Variants in GGTA1 observed in about 807,000 individuals in gnomAD.
The protein encoded by GGTA1 is inactive N-acetyllactosaminide alpha-1,3-galactosyltransferase.
GGTA1 carries 5 observed loss-of-function variants against 2.6 expected under a neutral mutation model. That is an observed-to-expected ratio of 1.92 (90% CI 1.00 to 4.04). The LOEUF (loss-of-function observed/expected upper bound fraction) is 4.04. GGTA1 is among the 30% of genes most tolerant of loss of function. The probability of loss-of-function intolerance (pLI) is 0.00; values close to 1 mark genes in which losing one functional copy is unlikely to be tolerated. For missense variants in GGTA1, 50 were observed against 16.7 expected (o/e 2.99, Z -3.47); for synonymous variants, 17 against 5.0 (o/e 3.38, Z -3.19).
At chr9:121,477,768 C>T (rs1828545580) in intron 1 of GGTA1, among the ~76,000 whole-genome samples, 2 of 151,618 alleles carry the variant, frequency 1.3e-5, no homozygotes, top group African/African-American at 2.4e-5. Context: ...TTAGTAGAGA[C>T]GGGGTTTCAC....
At chr9:121,486,392 G>T (rs577312546) in intron 1 of GGTA1, among the ~76,000 whole-genome samples, 1 of 152,336 alleles carries the variant, frequency 6.6e-6, no homozygotes, top group African/African-American at 2.4e-5. Context: ...GTCTCAGGAG[G>T]TCCCCTGGTG....
At position 121,498,893 on chromosome 9, in the gene GGTA1, T is replaced by G. The variant is rs560035503; in HGVS notation, c.-10+757A>C. ...GACATTTTTTTCTTCTTCTTTTTAC[T>G]GTTTTTTTTTTTTTTACTTTCTTCA... On this transcript the variant is annotated intron_variant, in intron 1 of 5. Transcript: ENST00000481799. Among the ~76,000 whole-genome samples the G allele has an allele frequency of 2.3e-5, 3 of 131,946 alleles. No individual in the cohort carries two copies. The South Asian group carries it at 6.7e-4, about 29-fold the overall frequency. 86.6% of individuals were successfully genotyped at this position (131,946 alleles called of 152,430 possible). A position where few individuals can be genotyped will look rare whatever the true frequency, so the allele number is the denominator to read the frequency against.
rs1828521778 is a variant in GGTA1, at chr9:121,476,897, G to T, written c.-9-8966C>A. ...TAGCCTCAGTGCCTGTCCAGGGGCT[G>T]CAGGCTGAGCTGGGGTGCTGACCCA... On this transcript the variant is annotated intron_variant, in intron 1 of 5. Transcript: ENST00000481799. The surrounding 1 kb of genome is among the most constrained non-coding windows in gnomAD (Gnocchi z 4.6). Among the ~76,000 whole-genome samples, 1 of 152,196 alleles carries T rather than the reference G, an allele frequency of 6.6e-6. No homozygotes were observed. Among genetic ancestry groups the T allele is most frequent in the Non-Finnish European group, 1.5e-5 (1 of 68,028 alleles).
At chr9:121,469,293 C>G (rs1828330943) in intron 1 of GGTA1, among the ~76,000 whole-genome samples, 1 of 152,138 alleles carries the variant, frequency 6.6e-6, no homozygotes, top group Admixed American at 6.5e-5. Context: ...TTGGGAGCAG[C>G]ATATGTAACA....
chr9:121,481,249 A>G (rs1476530486), intron 1 of GGTA1, among the ~76,000 whole-genome samples: 2 of 152,088 alleles, frequency 1.3e-5, no homozygotes, highest in Non-Finnish European at 2.9e-5. Flanking sequence ...ACCTAGTCCC[A>G]CAATGGGATT....
Position 121,480,216 on chromosome 9 carries a change from C to T in GGTA1, c.-9-12285G>A, listed in dbSNP as rs373503000. On this transcript the variant is annotated intron_variant, in intron 1 of 5. Transcript: ENST00000481799. ...GACTACAGGCACATGCCACCACGCCCAGCTGATTTTTTTGTATTTTTAGTA... is the reference window on the plus strand; with the variant it reads ...GACTACAGGCACATGCCACCACGCCTAGCTGATTTTTTTGTATTTTTAGTA... Among the ~76,000 whole-genome samples, 8 of 152,044 alleles carry T rather than the reference C, an allele frequency of 5.3e-5. No individual in the cohort carries two copies. The East Asian group carries it at 1.6e-3, about 30-fold the overall frequency.
At chr9:121,472,821 C>A (rs866479619) in intron 1 of GGTA1, among the ~76,000 whole-genome samples, 1 of 152,130 alleles carries the variant, frequency 6.6e-6, no homozygotes, top group African/African-American at 2.4e-5. Context: ...TGAAAACTCT[C>A]ACGGTTGGAA....
At chr9:121,482,698 G>A (rs1238366364) in intron 1 of GGTA1, among the ~76,000 whole-genome samples, 1 of 152,182 alleles carries the variant, frequency 6.6e-6, no homozygotes. Flanking sequence ...GAACCTGGGA[G>A]GTGGAGTTTG....
In GGTA1 at chr9:121,494,185, C is replaced by T. The variant is rs902210298; in HGVS notation, c.-10+5465G>A. Among the ~76,000 whole-genome samples, 7 of 152,210 alleles carry T rather than the reference C, an allele frequency of 4.6e-5. No homozygotes were observed. In the East Asian group the frequency reaches 1.3e-3, roughly 29 times the overall value. On this transcript the variant is annotated intron_variant, in intron 1 of 5. Coordinates refer to ENST00000481799, the MANE Select transcript of GGTA1 (RefSeq NM_001382585.1). ...GGTTTCAGAGAGGAACCCCAGGAAG[C>T]ACGTGCACACCCCCAAAGTCTCTTG...
exon 8 of GGTA1, chr9:121,446,778 A>G (rs145214753): frequency 6.6e-6 from 1 of 152,314 alleles, no homozygotes; most frequent in African/African-American, 2.4e-5. Context: ...ACAAGGAGGA[A>G]TGGTATGTTT....
intron 7 of GGTA1, chr9:121,447,722 C>T (rs1040113140): frequency 1.3e-5 from 2 of 152,082 alleles, no homozygotes; most frequent in East Asian, 3.9e-4. Flanking sequence ...AAAGAAACCA[C>T]GTGATGTAAA....
intron 1 of GGTA1, among the ~76,000 whole-genome samples, chr9:121,471,024 G>C (rs1828376991): frequency 6.6e-6 from 1 of 152,240 alleles, no homozygotes; most frequent in South Asian, 2.1e-4. Flanking sequence ...CCTTGTGAGA[G>C]AATGTAGAGA....
intron 5 of GGTA1, among the ~76,000 whole-genome samples, chr9:121,457,479 T>C (rs2064921499): frequency 6.6e-6 from 1 of 152,068 alleles, no homozygotes; most frequent in African/African-American, 2.4e-5. Context: ...GGCAGGTGGA[T>C]CACCAGGTCA....
chr9:121,470,208 T>C (rs536984293), intron 1 of GGTA1, among the ~76,000 whole-genome samples: 1 of 152,196 alleles, frequency 6.6e-6, no homozygotes, highest in East Asian at 1.9e-4. Flanking sequence ...AAAAAGTAGG[T>C]AGAGAGATGG....
Position 121,448,493 on chromosome 9 carries a change from G to A in GGTA1, c.*119-896C>T, listed in dbSNP as rs76337844. 8.4e-3 allele frequency among the ~76,000 whole-genome samples: 1,282 copies of A among 152,116 alleles called. 19 individuals carry two copies. The highest frequency in any genetic ancestry group is 0.029 in the African/African-American group (1,215 of 41,494). On this transcript the variant is annotated intron_variant and NMD_transcript_variant, in intron 7 of 7. Transcript: ENST00000481534. ...CATCATCCAAAATACTAGTCCATCC[G>A]AATACTAGAATGAGCAACTTCTGAT...
chr9:121,469,848 A>C (rs1467531285), intron 1 of GGTA1, among the ~76,000 whole-genome samples: 1 of 152,172 alleles, frequency 6.6e-6, no homozygotes, highest in Non-Finnish European at 1.5e-5. Flanking sequence ...TAAGCATCCC[A>C]TCAGGGCCAG....
At chr9:121,496,154 T>C (rs555911477) in intron 1 of GGTA1, among the ~76,000 whole-genome samples, 3 of 152,222 alleles carry the variant, frequency 2.0e-5, no homozygotes, top group Non-Finnish European at 4.4e-5. Context: ...ACTTATTGCA[T>C]CTATATAATG....
chr9:121,461,279 C>A lies in GGTA1; in HGVS notation c.155G>T (p.Trp52Leu). Residue 52 changes from tryptophan (W) to leucine (L), a missense_variant, in exon 4 of 6, where the codon TGG becomes TTG. Physicochemically the swap from Trp to Leu is moderately conservative, Grantham distance 61 (BLOSUM62 -2). Coordinates refer to ENST00000481799, the MANE Select transcript of GGTA1 (RefSeq NM_001382585.1). ...ATTGTTAAACCAGCTCAGAAACCAC[C>A]AGCCCTTCTGAGCACTGCTGTCATC... ...EVDDSSAQKG[W>L]WFLSWFNNGI... is the part of the protein sequence containing the mutation. 4.4e-6 allele frequency: 2 copies of A among 456,606 alleles called. No homozygotes were observed. Among genetic ancestry groups the A allele is most frequent in the South Asian group, 3.1e-5 (2 of 64,540 alleles). 28.3% of individuals were successfully genotyped at this position (456,606 alleles called of 1,614,324 possible). A position where few individuals can be genotyped will look rare whatever the true frequency, so the allele number is the denominator to read the frequency against.
At chr9:121,460,503 G>A (rs2064951511) in intron 4 of GGTA1, among the ~76,000 whole-genome samples, 1 of 152,154 alleles carries the variant, frequency 6.6e-6, no homozygotes, top group South Asian at 2.1e-4. Context: ...AACTTGATAA[G>A]ACAATTCTTC....
Sources: gnomAD v4.1 joint callset for allele counts (sites outside exome capture counted in the v4.1 genomes callset) on GRCh38, gnomAD v4.1.1 for gene constraint, Gnocchi (gnomAD v3.1) non-coding constraint, MANE v1.5 for transcripts, NCBI Gene and HGNC (gene_info 2026-07-23, HGNC 2026-07-21) for gene names.